Variants in ABCB11 observed in about 807,000 individuals in gnomAD.
ABCB11 encodes the protein bile salt export pump.
ABCB11 carries 95 observed loss-of-function variants against 148.0 expected under a neutral mutation model. That is an observed-to-expected ratio of 0.64 (90% CI 0.54 to 0.76). The LOEUF is 0.76. Ranked by LOEUF, ABCB11 falls within the 30% of genes least tolerant of loss-of-function variation. ABCB11 has a pLI of 0.00. For missense variants in ABCB11, 1,523 were observed against 1,617.8 expected (o/e 0.94, Z 1.01); for synonymous variants, 591 against 555.4 (o/e 1.06, Z -0.90).
rs181631627 is a variant in ABCB11 at position 168,995,083 on chromosome 2, C to A, written c.611+266G>T. Among the ~76,000 whole-genome samples the A allele has an allele frequency of 3.9e-4, 60 of 152,084 alleles. No individual in the cohort carries two copies. In the East Asian group the frequency reaches 7.4e-3, roughly 19 times the overall value. On this transcript the variant is annotated intron_variant, in intron 7 of 27. Transcript: ENST00000650372. ...CAGTTACACCTGGACAGCTAAATAA[C>A]CTTTTTAACTGTCTTCTATAATATT...
At chr2:168,968,373 G>A (rs1195985530) in intron 17 of ABCB11, 54 bp downstream of exon 17, 1 of 1,512,794 alleles carries the variant, frequency 6.6e-7, no homozygotes, top group Non-Finnish European at 9.1e-7. Flanking sequence ...GGACTACAGA[G>A]GACTCCTCAG....
chr2:168,956,694 A>AGGCC (rs1204727307), intron 19 of ABCB11, among the ~76,000 whole-genome samples: 1 of 151,476 alleles, frequency 6.6e-6, no homozygotes, highest in Non-Finnish European at 1.5e-5. Flanking sequence ...CCTGGTATCT[A>AGGCC]GGCCCTCAAA....
intron 19 of ABCB11, among the ~76,000 whole-genome samples, chr2:168,954,412 G>A (rs1692698907): frequency 6.6e-6 from 1 of 151,456 alleles, no homozygotes. Flanking sequence ...GTCCAATCTA[G>A]TGGTGATAAT....
intron 19 of ABCB11, among the ~76,000 whole-genome samples, chr2:168,949,629 C>A (rs1450380547): frequency 1.3e-5 from 2 of 151,650 alleles, no homozygotes; most frequent in African/African-American, 2.4e-5. Context: ...TGTGTCTTTG[C>A]TATTGTGAAT....
At chr2:168,945,597 G>A (rs1681676391) in intron 19 of ABCB11, among the ~76,000 whole-genome samples, 3 of 151,166 alleles carry the variant, frequency 2.0e-5, no homozygotes, top group Admixed American at 1.3e-4. Context: ...GAGGACGGAA[G>A]GGAAGAAGGA....
At chr2:168,941,773 A>T (rs1174735267) in intron 21 of ABCB11, among the ~76,000 whole-genome samples, 1 of 152,030 alleles carries the variant, frequency 6.6e-6, no homozygotes, top group Admixed American at 6.6e-5. Flanking sequence ...GTCTTATAAG[A>T]TATTGCCAGT....
At chr2:168,970,651 C>A (rs1484489779) in intron 14 of ABCB11, 12 of 298,294 alleles carry the variant, frequency 4.0e-5, no homozygotes, top group South Asian at 2.5e-4. Flanking sequence ...TAAGGATTAT[C>A]ATTGACAAAA....
intron 18 of ABCB11, among the ~76,000 whole-genome samples, chr2:168,959,330 A>G (rs937255025): frequency 1.3e-5 from 2 of 151,520 alleles, no homozygotes; most frequent in African/African-American, 4.8e-5. Context: ...CAATTATTTC[A>G]CCTGTGACAG....
intron 19 of ABCB11, 88 bp downstream of exon 19, chr2:168,957,876 C>A: frequency 8.1e-7 from 1 of 1,230,232 alleles, no homozygotes; most frequent in East Asian, 2.6e-5. Context: ...CAGAAAAGAG[C>A]TAAATACATG....
rs55669065 is a variant in ABCB11, at chr2:168,973,933, C to T, written c.1309-93G>A. The T allele has an allele frequency of 0.097, 139,533 of 1,434,426 alleles. 7,598 individuals are homozygous for T. Among genetic ancestry groups the T allele is most frequent in the Middle Eastern group, 0.11 (483 of 4,250 alleles). The allele number at this position is 1,434,426 out of a possible 1,614,324, so 88.9% of individuals were successfully genotyped here. ...GGTGCAGATGCTTTGTGTTGATACT[C>T]GGTGTCTGTGTGTGCGTTTATGTAT... On this transcript the variant is annotated intron_variant, in intron 12 of 27. Transcript: ENST00000650372.
At chr2:168,975,728 T>C (rs1693865232) in intron 12 of ABCB11, among the ~76,000 whole-genome samples, 1 of 145,834 alleles carries the variant, frequency 6.9e-6, no homozygotes, top group Non-Finnish European at 1.5e-5. Flanking sequence ...TATATATTCA[T>C]ATATTCAAAG....
At chr2:168,927,015 T>C in intron 26 of ABCB11, 141 bp downstream of exon 26, 1 of 733,800 alleles carries the variant, frequency 1.4e-6, no homozygotes, top group Non-Finnish European at 2.3e-6. Flanking sequence ...TGGAATCATG[T>C]TGGCATTCAA....
intron 1 of ABCB11, among the ~76,000 whole-genome samples, chr2:169,029,759 A>G (rs1573998321): frequency 5.1e-5 from 4 of 78,342 alleles, no homozygotes; most frequent in Admixed American, 1.7e-4. Flanking sequence ...TTTTGAGAGG[A>G]GTCTCGCTCT....
intron 4 of ABCB11, 86 bp downstream of exon 4, chr2:169,014,217 T>C: frequency 7.4e-7 from 1 of 1,347,624 alleles, no homozygotes; most frequent in South Asian, 1.2e-5. Context: ...AACCTGCCAA[T>C]ATGACTAAAG....
chr2:169,018,584 C>A (rs745560134), intron 1 of ABCB11, among the ~76,000 whole-genome samples: 1 of 152,176 alleles, frequency 6.6e-6, no homozygotes, highest in Non-Finnish European at 1.5e-5. Context: ...TGTTGGGTAA[C>A]CTTCAGTGTT....
intron 9 of ABCB11, among the ~76,000 whole-genome samples, chr2:168,987,044 A>G (rs373650122): frequency 6.6e-6 from 1 of 152,184 alleles, no homozygotes; most frequent in East Asian, 1.9e-4. Flanking sequence ...TATTGACAAT[A>G]AAAGATAATG....
chr2:168,954,360 T>A (rs1011787922), intron 19 of ABCB11, among the ~76,000 whole-genome samples: 1 of 151,582 alleles, frequency 6.6e-6, no homozygotes, highest in Non-Finnish European at 1.5e-5. Flanking sequence ...AGCAATGACC[T>A]TTTGTTTCCA....
chr2:168,983,582 A>G (rs1306186572), intron 10 of ABCB11, among the ~76,000 whole-genome samples: 2 of 152,328 alleles, frequency 1.3e-5, no homozygotes, highest in African/African-American at 2.4e-5. Context: ...GCCAAGATAA[A>G]CTGAATTGAA....
chr2:168,974,409 G>A (rs1164445238), intron 12 of ABCB11, among the ~76,000 whole-genome samples: 1 of 151,662 alleles, frequency 6.6e-6, no homozygotes, highest in Non-Finnish European at 1.5e-5. Context: ...GAAAGAATGA[G>A]AAGCTAATTC....
Sources: allele counts gnomAD v4.1 joint callset (sites outside exome capture counted in the v4.1 genomes callset), GRCh38; gene constraint gnomAD v4.1.1; transcripts MANE v1.5; gene names NCBI Gene and HGNC (gene_info 2026-07-23, HGNC 2026-07-21).